The following CLVS1 variants were observed in gnomAD, a reference collection of about 807,000 sequenced individuals.
CLVS1 encodes clavesin 1, also known as clavesin-1.
CLVS1 carries 10 observed loss-of-function variants against 33.1 expected under a neutral mutation model. That is an observed-to-expected ratio of 0.30 (90% CI 0.19 to 0.51). The LOEUF (loss-of-function observed/expected upper bound fraction) is 0.51, where lower values mean the gene tolerates loss of function less well. Among genes scored for constraint, CLVS1 ranks in the 20% least tolerant of loss-of-function variants. CLVS1 has a pLI of 0.97. For missense variants in CLVS1, 343 were observed against 433.4 expected (o/e 0.79, Z 1.85); for synonymous variants, 163 against 166.1 (o/e 0.98, Z 0.14).
At chr8:61,357,822 G>T (rs1475041739) in intron 2 of CLVS1, among the ~76,000 whole-genome samples, 5 of 152,028 alleles carry the variant, frequency 3.3e-5, no homozygotes, top group South Asian at 2.1e-4. Flanking sequence ...TTCCCAAAGT[G>T]CTGGGATTAC....
At chr8:61,327,742 A>G (rs1355576110) in intron 2 of CLVS1, among the ~76,000 whole-genome samples, 1 of 152,202 alleles carries the variant, frequency 6.6e-6, no homozygotes, top group African/African-American at 2.4e-5. Flanking sequence ...TACCTGTGTC[A>G]GGACTAGACT....
Position 61,109,943 on chromosome 8 carries a change from A to G in CLVS1, c.-242-21827A>G, listed in dbSNP as rs534607277. Among the ~76,000 whole-genome samples the G allele has an allele frequency of 9.9e-5, 15 of 152,284 alleles. No homozygotes were observed. In the South Asian group the frequency reaches 3.1e-3, roughly 32 times the overall value. On this transcript the variant is annotated intron_variant, in intron 1 of 2. Coordinates refer to the CLVS1 transcript ENST00000522621. ...AACCTTGGACTTCCTAGGCTCCAGG[A>G]CTGTAAGAAATAAATTTCATTTCTT...
At chr8:61,034,345 A>G in the CLVS1 span, among the ~76,000 whole-genome samples, 4 of 150,640 alleles carry the variant, frequency 2.7e-5, no homozygotes, top group East Asian at 5.8e-4. Context: ...GCTAATTAAC[A>G]TGTCCATCAC....
intron 2 of CLVS1, among the ~76,000 whole-genome samples, chr8:61,328,821 C>T (rs1299634739): frequency 2.6e-5 from 4 of 152,160 alleles, no homozygotes; most frequent in African/African-American, 4.8e-5. Context: ...CCTCATCCTG[C>T]ACTCTATTTA....
At chr8:61,070,045 G>A (rs182389231) in intron 1 of CLVS1, among the ~76,000 whole-genome samples, 2 of 152,122 alleles carry the variant, frequency 1.3e-5, no homozygotes, top group East Asian at 1.9e-4. Context: ...CACCCGCCTC[G>A]GCCTCCAAAA....
At chr8:61,272,762 AC>A (rs1809473660) in intron 2 of CLVS1, among the ~76,000 whole-genome samples, 1 of 146,594 alleles carries the variant, frequency 6.8e-6, no homozygotes, top group South Asian at 2.2e-4. Flanking sequence ...CATCACTGAT[AC>A]CCTTTCTTCC....
chr8:61,241,324 G>A (rs1204028507), intron 2 of CLVS1, among the ~76,000 whole-genome samples: 1 of 152,058 alleles, frequency 6.6e-6, no homozygotes, highest in African/African-American at 2.4e-5. Flanking sequence ...TAATTCACGA[G>A]ATGAATTAGA....
intron 1 of CLVS1, among the ~76,000 whole-genome samples, chr8:61,115,237 T>C (rs1009969573): frequency 6.6e-6 from 1 of 152,192 alleles, no homozygotes; most frequent in Admixed American, 6.5e-5. Context: ...ATAATAACCA[T>C]TTCTCACTGT....
At chr8:61,144,726 C>T (rs1252184412) in intron 2 of CLVS1, among the ~76,000 whole-genome samples, 2 of 152,182 alleles carry the variant, frequency 1.3e-5, no homozygotes, top group South Asian at 2.1e-4. Flanking sequence ...CTGTTGTTTC[C>T]TGAATTTTAA....
At chr8:61,433,252 C>T (rs531623320) in intron 3 of CLVS1, among the ~76,000 whole-genome samples, 7 of 152,314 alleles carry the variant, frequency 4.6e-5, no homozygotes, top group African/African-American at 1.2e-4. Context: ...TTGGGCCAGA[C>T]CAGTGGTTGC....
intron 2 of CLVS1, among the ~76,000 whole-genome samples, chr8:61,147,466 G>A (rs549417798): frequency 6.6e-6 from 1 of 152,230 alleles, no homozygotes; most frequent in South Asian, 2.1e-4. Flanking sequence ...GACATTTCTG[G>A]GCATAGTAGT....
At chr8:61,097,583 A>T (rs1313112010) in intron 1 of CLVS1, among the ~76,000 whole-genome samples, 1 of 152,206 alleles carries the variant, frequency 6.6e-6, no homozygotes, top group Non-Finnish European at 1.5e-5. Context: ...TTTACAGACT[A>T]TAGTACATGT....
chr8:61,228,156 C>T (rs1375593474), intron 2 of CLVS1, among the ~76,000 whole-genome samples: 1 of 151,962 alleles, frequency 6.6e-6, no homozygotes, highest in Non-Finnish European at 1.5e-5. Flanking sequence ...TCTTATGATC[C>T]ATTTTAAAAT....
intron 1 of CLVS1, among the ~76,000 whole-genome samples, chr8:61,098,505 T>C (rs915586908): frequency 2.6e-5 from 4 of 152,098 alleles, no homozygotes; most frequent in Non-Finnish European, 4.4e-5. Flanking sequence ...ACATTTCTGC[T>C]AGAGCTTTTA....
intron 2 of CLVS1, among the ~76,000 whole-genome samples, chr8:61,305,961 TC>T (rs1394172235): frequency 1.6e-4 from 25 of 152,312 alleles, no homozygotes; most frequent in African/African-American, 5.5e-4. Flanking sequence ...CTAGGTTGAT[TC>T]CATGTCTTTG....
At chr8:61,399,468 A>C (rs565085630) in intron 3 of CLVS1, among the ~76,000 whole-genome samples, 1 of 152,302 alleles carries the variant, frequency 6.6e-6, no homozygotes, top group Admixed American at 6.5e-5. Context: ...GATTACAAAA[A>C]TTTTATCCCA....
At chr8:61,171,301 A>G (rs1434332767) in intron 2 of CLVS1, among the ~76,000 whole-genome samples, 1 of 152,192 alleles carries the variant, frequency 6.6e-6, no homozygotes, top group African/African-American at 2.4e-5. Context: ...AATACTGGAG[A>G]GAAATTAATC....
intron 3 of CLVS1, among the ~76,000 whole-genome samples, chr8:61,446,872 T>C (rs1816776035): frequency 6.6e-6 from 1 of 152,012 alleles, no homozygotes; most frequent in South Asian, 2.1e-4. Context: ...TAGAACTGTG[T>C]TGTGTAGTTT....
the CLVS1 span, among the ~76,000 whole-genome samples, chr8:61,039,612 A>G: frequency 5.9e-5 from 9 of 151,928 alleles, no homozygotes; most frequent in African/African-American, 2.2e-4. Context: ...GCGTGATCAC[A>G]GCTCACTGCA....
Sources: allele counts gnomAD v4.1 joint callset (sites outside exome capture counted in the v4.1 genomes callset), GRCh38; gene constraint gnomAD v4.1.1; transcripts MANE v1.5; gene names NCBI Gene and HGNC (gene_info 2026-07-23, HGNC 2026-07-21).